Variants in KLHL4 observed in about 807,000 individuals in gnomAD.
KLHL4 encodes kelch-like protein 4.
A neutral mutation model predicts 45.8 loss-of-function variants in KLHL4; 17 were observed. That is an observed-to-expected ratio of 0.37 (90% confidence interval 0.25 to 0.56). KLHL4 has a LOEUF of 0.56. Among genes scored for constraint, KLHL4 ranks in the 20% least tolerant of loss-of-function variants. The pLI is 0.79. For missense variants in KLHL4, 544 were observed against 544.9 expected (o/e 1.00, Z 0.02); for synonymous variants, 224 against 189.9 (o/e 1.18, Z -1.47).
intron 1 of KLHL4, among the ~76,000 whole-genome samples, chrX:87,581,628 A>T (rs773287960): frequency 8.9e-6 from 1 of 112,596 alleles, no homozygotes; most frequent in South Asian, 3.6e-4. Context: ...CAGCAGCCCT[A>T]TGGAAGAGTG....
chrX:87,543,497 C>T (rs1238192201), intron 1 of KLHL4, among the ~76,000 whole-genome samples: 1 of 111,571 alleles, frequency 9.0e-6, no homozygotes, highest in African/African-American at 3.3e-5. Flanking sequence ...AGATGCCACC[C>T]CTCCCCAACA....
intron 9 of KLHL4, among the ~76,000 whole-genome samples, chrX:87,650,782 G>A (rs1312470060): frequency 8.9e-6 from 1 of 111,756 alleles, no homozygotes; most frequent in Non-Finnish European, 1.9e-5. Flanking sequence ...AGACTGGGAA[G>A]AAAAAGATGT....
At chrX:87,592,016 C>T (rs1184124860) in intron 1 of KLHL4, among the ~76,000 whole-genome samples, 1 of 109,768 alleles carries the variant, frequency 9.1e-6, no homozygotes, top group Non-Finnish European at 1.9e-5. Context: ...CCCCACTATC[C>T]TTGCCAGCCC....
intron 1 of KLHL4, among the ~76,000 whole-genome samples, chrX:87,607,083 A>G (rs150756203): frequency 0.042 from 4,694 of 111,554 alleles, 255 homozygotes; most frequent in African/African-American, 0.15. Context: ...TATACAATTT[A>G]CGGATTATTC....
Position 87,635,512 on chromosome X carries a change from T to A in KLHL4, c.1713-51T>A, listed in dbSNP as rs376940852. ...TCATTCTATGCATGCATTTTGTGTG[T>A]ATATGTATACACACACATATACATA... On this transcript the variant is annotated intron_variant, in intron 8 of 10. Transcript: ENST00000373119. The A allele has an allele frequency of 3.1e-6, 3 of 961,427 alleles. No individual in the cohort carries two copies. The African/African-American group carries it at 5.7e-5, about 18-fold the overall frequency. 79.2% of individuals were successfully genotyped at this position (961,427 alleles called of 1,213,427 possible).
chrX:87,652,125 C>A (rs941084778), intron 9 of KLHL4, among the ~76,000 whole-genome samples: 1 of 112,553 alleles, frequency 8.9e-6, no homozygotes, highest in Admixed American at 9.4e-5. Flanking sequence ...TACATTTGCT[C>A]CTTTTAGCCA....
At chrX:87,661,639 C>G (rs1038630667) in intron 9 of KLHL4, among the ~76,000 whole-genome samples, 6 of 111,648 alleles carry the variant, frequency 5.4e-5, no homozygotes, top group African/African-American at 2.0e-4. Flanking sequence ...GCACAGACTA[C>G]AAAATTAAAT....
intron 1 of KLHL4, among the ~76,000 whole-genome samples, chrX:87,583,547 C>T (rs1921357434): frequency 8.9e-6 from 1 of 111,905 alleles, no homozygotes; most frequent in Non-Finnish European, 1.9e-5. Flanking sequence ...GGCCCTAGCT[C>T]CCAGACATTT....
chrX:87,566,344 T>C (rs757420191), intron 1 of KLHL4, among the ~76,000 whole-genome samples: 8 of 111,139 alleles, frequency 7.2e-5, no homozygotes, highest in Non-Finnish European at 1.5e-4. Flanking sequence ...AATACAATTG[T>C]TCCTAAAAAC....
rs186809722 is a variant in KLHL4 at position 87,591,105 on chromosome X, A to G, written c.423-22772A>G. 4.5e-5 allele frequency among the ~76,000 whole-genome samples: 5 copies of G among 111,773 alleles called. No homozygotes were observed. In the East Asian group the frequency reaches 1.4e-3, roughly 32 times the overall value. ...GGCCGTACTAATTTACATTCCCACCAGTGTATTAGAGTTCCCTTTTCTCCC... is the reference window on the plus strand; with the variant it reads ...GGCCGTACTAATTTACATTCCCACCGGTGTATTAGAGTTCCCTTTTCTCCC... On this transcript the variant is annotated intron_variant, in intron 1 of 10. Coordinates refer to ENST00000373119, the MANE Select transcript of KLHL4 (RefSeq NM_019117.5).
chrX:87,656,863 A>AT (rs1432480288), intron 9 of KLHL4, among the ~76,000 whole-genome samples: 26 of 111,757 alleles, frequency 2.3e-4, no homozygotes, highest in Middle Eastern at 4.8e-3. Flanking sequence ...TGGATGAGAC[A>AT]TTTTTTTCCC....
rs1346781774 is a variant in KLHL4 at position 87,668,712 on chromosome X, T to C, written c.*2178T>C. 2 of 126,824 alleles carry C rather than the reference T, an allele frequency of 1.6e-5. No individual in the cohort carries two copies. The highest frequency in any genetic ancestry group is 2.9e-5 in the Non-Finnish European group (2 of 69,178). The allele number at this position is 126,824 out of a possible 1,213,427, so 10.5% of individuals were successfully genotyped here. A position where few individuals can be genotyped will look rare whatever the true frequency, so the allele number is the denominator to read the frequency against. The stretch of plus-strand genomic sequence containing the variant: ...ACTTTATATGAAAAGGAAGGAAGAG[T>C]GACCTAAGCTAGCATGCTCAGGGTG... On this transcript the variant is annotated 3_prime_UTR_variant, in exon 11 of 11. Transcript: ENST00000373119.
At chrX:87,553,380 CATTTT>C (rs917234638) in intron 1 of KLHL4, among the ~76,000 whole-genome samples, 22 of 110,658 alleles carry the variant, frequency 2.0e-4, no homozygotes, top group African/African-American at 6.8e-4. Context: ...TTAAATATTT[CATTTT>C]ATTTAAAAAT....
rs988571868 is a variant in KLHL4, at chrX:87,632,278, C to T, written c.1393C>T (p.Arg465Cys). ...SWLHIGTMNG[R>C]RLQFGVAVID... Reference sequence around the variant, plus strand: ...GCTACATATTGGCACCATGAATGGCCGTAGGCTTCAATTTGGAGTCGCAGT... The same window carrying T: ...GCTACATATTGGCACCATGAATGGCTGTAGGCTTCAATTTGGAGTCGCAGT... The change falls in exon 7 of 11, where the codon CGT (arginine) becomes TGT (cysteine). Residue 465 changes from arginine to cysteine, a missense_variant. By Grantham distance (180) the Arg-to-Cys change is radical. Coordinates refer to ENST00000373119, the MANE Select transcript of KLHL4 (RefSeq NM_019117.5). 13 of 1,206,988 alleles carry T rather than the reference C, an allele frequency of 1.1e-5. No homozygotes were observed. Among genetic ancestry groups the T allele is most frequent in the African/African-American group, 1.8e-5 (1 of 57,021 alleles).
At chrX:87,617,806 G>A (rs1028938265) in intron 3 of KLHL4, 126 bp from the exon 4 acceptor site, 2 of 497,379 alleles carry the variant, frequency 4.0e-6, no homozygotes, top group Admixed American at 4.1e-5. Flanking sequence ...GCCTCAAAAT[G>A]TGCTCCAAAT....
intron 1 of KLHL4, among the ~76,000 whole-genome samples, chrX:87,600,274 C>CAGG (rs1318807411): frequency 8.9e-4 from 98 of 110,669 alleles, no homozygotes; most frequent in African/African-American, 3.0e-3. Context: ...ATCACGAGGT[C>CAGG]AGATTGAGAC....
chrX:87,601,040 C>T (rs1344874703), intron 1 of KLHL4, among the ~76,000 whole-genome samples: 1 of 111,506 alleles, frequency 9.0e-6, no homozygotes, highest in Non-Finnish European at 1.9e-5. Context: ...ATCCAAGTCG[C>T]AGCACCGAAG....
intron 1 of KLHL4, among the ~76,000 whole-genome samples, chrX:87,602,415 A>T (rs893951676): frequency 9.8e-5 from 11 of 111,754 alleles, no homozygotes; most frequent in African/African-American, 3.6e-4. Context: ...CTCCATTCAC[A>T]GTAAATGTCC....
At chrX:87,551,081 G>A (rs1234464630) in intron 1 of KLHL4, among the ~76,000 whole-genome samples, 2 of 109,055 alleles carry the variant, frequency 1.8e-5, no homozygotes, top group Non-Finnish European at 3.8e-5. Flanking sequence ...CTTTACTGAC[G>A]ATATAACCAT....
Sources: gnomAD v4.1 joint callset for allele counts (sites outside exome capture counted in the v4.1 genomes callset) on GRCh38, gnomAD v4.1.1 for gene constraint, MANE v1.5 for transcripts, NCBI Gene and HGNC (gene_info 2026-07-23, HGNC 2026-07-21) for gene names.